Variants in HMCN1 observed in about 807,000 individuals in gnomAD.
HMCN1 encodes hemicentin-1.
In HMCN1, 321 loss-of-function variants were observed where a neutral mutation model predicts 625.9. That is an observed-to-expected ratio of 0.51 (90% CI 0.47 to 0.56). HMCN1 has a LOEUF of 0.56. HMCN1 is among the 20% of genes least tolerant of loss of function. HMCN1 has a pLI of 0.00. For missense variants in HMCN1, 6,588 were observed against 6,887.3 expected, an observed-to-expected ratio of 0.96 and a Z score of 1.54; for synonymous variants, 2,425 against 2,417.6, an observed-to-expected ratio of 1.00 and a Z score of -0.09.
Position 186,190,015 on chromosome 1 carries a change from T to G in HMCN1, c.*137T>G. 1 of 947,400 alleles carries G rather than the reference T, an allele frequency of 1.1e-6. No homozygotes were observed. The highest frequency in any genetic ancestry group is 1.7e-6 in the Non-Finnish European group (1 of 593,068). The allele number at this position is 947,400 out of a possible 1,614,324, so 58.7% of individuals were successfully genotyped here. A position where few individuals can be genotyped will look rare whatever the true frequency, so the allele number is the denominator to read the frequency against. ...GTGCTACACTCTGTTTTGTGTGCCTTCCTTGGTACTTCTGAGGTATTTTCA... is the reference window on the plus strand; with the variant it reads ...GTGCTACACTCTGTTTTGTGTGCCTGCCTTGGTACTTCTGAGGTATTTTCA... On this transcript the variant is annotated 3_prime_UTR_variant, in exon 107 of 107. Transcript: ENST00000271588.
At chr1:185,996,692 T>C (rs1652811386) in intron 24 of HMCN1, among the ~76,000 whole-genome samples, 1 of 151,724 alleles carries the variant, frequency 6.6e-6, no homozygotes, top group East Asian at 1.9e-4. Flanking sequence ...GGCTAAAAAA[T>C]AAATAGGAAA....
intron 11 of HMCN1, among the ~76,000 whole-genome samples, chr1:185,953,486 G>GA (rs1649388038): frequency 6.6e-6 from 1 of 151,818 alleles, no homozygotes; most frequent in Non-Finnish European, 1.5e-5. Flanking sequence ...GTCTCTACCA[G>GA]AAAATACCAG....
At chr1:185,852,265 T>C (rs1224894965) in intron 2 of HMCN1, among the ~76,000 whole-genome samples, 1 of 152,012 alleles carries the variant, frequency 6.6e-6, no homozygotes, top group Non-Finnish European at 1.5e-5. Context: ...ATACACTTTA[T>C]CTAATTTCTA....
intron 10 of HMCN1, among the ~76,000 whole-genome samples, chr1:185,932,325 G>T (rs546709344): frequency 6.6e-6 from 1 of 152,220 alleles, no homozygotes; most frequent in East Asian, 1.9e-4. Flanking sequence ...GATAACCACT[G>T]TGGTTTTGGT....
At position 186,182,776 on chromosome 1, in the gene HMCN1, T is replaced by C. The variant is rs185173713; in HGVS notation, c.16414+489T>C. On this transcript the variant is annotated intron_variant, in intron 105 of 106. Coordinates refer to ENST00000271588, the MANE Select transcript of HMCN1 (RefSeq NM_031935.3). ...GATGTGGAACAATTATGTGCTAGCA[T>C]TGCAGGATTTAAACAGATAAATAAG... is the stretch of plus-strand genomic sequence containing the variant. 5.9e-4 allele frequency among the ~76,000 whole-genome samples: 90 copies of C among 152,360 alleles called. 1 individual carries two copies. Among genetic ancestry groups the C allele is most frequent in the Non-Finnish European group, 1.1e-3 (74 of 68,036 alleles).
Position 186,130,564 on chromosome 1 carries a change from A to G in HMCN1, c.13097A>G (p.Asn4366Ser). ...AACTGGATTGAACCACTTGGTGGGA[A>G]TGCAATCCTGAATTGTGAGGTGAAA... is the stretch of plus-strand genomic sequence containing the variant. Reference protein sequence around the residue: ...PSNWIEPLGGNAILNCEVKGD... With the variant: ...PSNWIEPLGGSAILNCEVKGD... Residue 4366 changes from asparagine to serine, a missense_variant, in exon 85 of 107, where the codon AAT (asparagine) becomes AGT (serine). Transcript: ENST00000271588. 6.2e-7 allele frequency: 1 copy of G among 1,613,568 alleles called. No homozygotes were observed. The highest frequency in any genetic ancestry group is 8.5e-7 in the Non-Finnish European group (1 of 1,179,624).
intron 105 of HMCN1, among the ~76,000 whole-genome samples, chr1:186,184,511 G>A (rs970440768): frequency 3.9e-5 from 6 of 152,150 alleles, no homozygotes; most frequent in Admixed American, 6.6e-5. Flanking sequence ...AAGACACAGA[G>A]AGGAGAAACT....
chr1:185,921,222 G>A (rs985456237), intron 6 of HMCN1, among the ~76,000 whole-genome samples: 1 of 152,192 alleles, frequency 6.6e-6, no homozygotes, highest in Non-Finnish European at 1.5e-5. Context: ...TTTATGCTAA[G>A]AATATAGCAA....
At chr1:185,802,683 G>T (rs1388017303) in intron 1 of HMCN1, among the ~76,000 whole-genome samples, 1 of 152,126 alleles carries the variant, frequency 6.6e-6, no homozygotes, top group African/African-American at 2.4e-5. Flanking sequence ...ACTGAAAAGT[G>T]CTTATTTGAC....
At chr1:186,023,449 T>C (rs1462351862) in intron 36 of HMCN1, among the ~76,000 whole-genome samples, 1 of 152,164 alleles carries the variant, frequency 6.6e-6, no homozygotes, top group Admixed American at 6.6e-5. Context: ...AGATAACTTT[T>C]GTTGAAAAGA....
At chr1:186,123,328 T>C in intron 81 of HMCN1, 108 bp downstream of exon 81, 1 of 1,335,164 alleles carries the variant, frequency 7.5e-7, no homozygotes, top group Non-Finnish European at 1.0e-6. Context: ...AACTCAGTAA[T>C]CCAAAGTGTG....
At chr1:186,085,954 G>T (rs983545443) in intron 57 of HMCN1, among the ~76,000 whole-genome samples, 8 of 152,028 alleles carry the variant, frequency 5.3e-5, no homozygotes, top group Non-Finnish European at 8.8e-5. Flanking sequence ...AGCACATTAG[G>T]TCTCCTTTGT....
Position 186,117,479 on chromosome 1 carries a change from G to A in HMCN1, c.11704G>A (p.Glu3902Lys). The A allele has an allele frequency of 6.2e-7, 1 of 1,613,692 alleles. No homozygotes were observed. ...TVQVPPSIAD[E>K]PTDFLVTKHA... Reference sequence around the variant, plus strand: ...TTTAGTTCCACCTTCCATAGCTGATGAGCCTACAGATTTCCTAGTAACCAA... The same window carrying A: ...TTTAGTTCCACCTTCCATAGCTGATAAGCCTACAGATTTCCTAGTAACCAA... Residue 3902 changes from glutamate to lysine, a missense_variant, in exon 77 of 107, where the codon GAG becomes AAG. Around this residue, in one of 3 missense-constraint regions of HMCN1, gnomAD observed 4,628 missense variants for 4,853.1 expected, o/e 0.95. Transcript: ENST00000271588.
rs377167849 is a variant in HMCN1 at position 186,157,902 on chromosome 1, C to T, written c.15256+3915C>T. Among the ~76,000 whole-genome samples the T allele has an allele frequency of 4.1e-3, 623 of 152,170 alleles. 3 individuals are homozygous for T. Among genetic ancestry groups the T allele is most frequent in the African/African-American group, 9.8e-3 (408 of 41,480 alleles). ...TGTGAATAGTGCTGCAATAAACATA[C>T]GTGTGCATGTGTCTTTATAGCAGCA... On this transcript the variant is annotated intron_variant, in intron 97 of 106. Transcript: ENST00000271588.
At chr1:185,975,551 G>A (rs2101983778) in intron 15 of HMCN1, among the ~76,000 whole-genome samples, 1 of 152,094 alleles carries the variant, frequency 6.6e-6, no homozygotes, top group South Asian at 2.1e-4. Context: ...TCCAAAATTG[G>A]GGATTACGAT....
chr1:186,187,908 T>C lies in HMCN1; in HGVS notation c.16440T>C (p.Asn5480=), dbSNP rs188771010. 1.8e-5 allele frequency: 29 copies of C among 1,613,690 alleles called. No homozygotes were observed. The highest frequency in any genetic ancestry group is 2.5e-5 in the Non-Finnish European group (29 of 1,179,792). ...ATATCGATGAATGTCTGGAGCAGAATGTGCACTGTGGACCCAATCGCATGT... is the reference window on the plus strand; with the variant it reads ...ATATCGATGAATGTCTGGAGCAGAACGTGCACTGTGGACCCAATCGCATGT... ...CQDIDECLEQ[N]VHCGPNRMCF... Residue 5480 remains asparagine (N), a synonymous_variant, in exon 106 of 107, where the codon AAT becomes AAC. Coordinates refer to ENST00000271588, the MANE Select transcript of HMCN1 (RefSeq NM_031935.3).
At chr1:185,783,652 A>AAACAGCAAATATTGCTG (rs1657323328) in intron 1 of HMCN1, among the ~76,000 whole-genome samples, 1 of 152,186 alleles carries the variant, frequency 6.6e-6, no homozygotes, top group African/African-American at 2.4e-5. Context: ...GGAGGCTGCA[A>AAACAGCAAATATTGCTG]AACAGCAAAT....
chr1:185,765,323 G>C (rs1053964664), intron 1 of HMCN1, among the ~76,000 whole-genome samples: 2 of 152,048 alleles, frequency 1.3e-5, no homozygotes, highest in Non-Finnish European at 2.9e-5. Context: ...ACGGAGGAGA[G>C]AGAAAGAAGA....
At chr1:186,020,100 ATTAGT>A (rs1441176255) in intron 35 of HMCN1, among the ~76,000 whole-genome samples, 1 of 152,032 alleles carries the variant, frequency 6.6e-6, no homozygotes, top group African/African-American at 2.4e-5. Flanking sequence ...ATTTTTAAGA[ATTAGT>A]TTATAAGCTT....
Sources: gnomAD v4.1 joint callset for allele counts (sites outside exome capture counted in the v4.1 genomes callset) on GRCh38, gnomAD v4.1.1 for gene constraint, gnomAD v4.1.1 regional missense constraint, MANE v1.5 for transcripts, NCBI Gene and HGNC (gene_info 2026-07-23, HGNC 2026-07-21) for gene names.